The following CSMD1 variants were observed in gnomAD, a reference collection of about 807,000 sequenced individuals.
CSMD1 encodes the protein CUB and sushi domain-containing protein 1.
A neutral mutation model predicts 417.5 loss-of-function variants in CSMD1; 213 were observed. That is an observed-to-expected ratio of 0.51 (90% CI 0.46 to 0.57). CSMD1 has a LOEUF of 0.57. Ranked by LOEUF, CSMD1 falls within the 20% of genes least tolerant of loss-of-function variation. The pLI, the probability that CSMD1 is intolerant of heterozygous loss-of-function variation, is 0.00. For missense variants in CSMD1, 6,923 were observed against 4,529.7 expected (o/e 1.53, Z -15.17); for synonymous variants, 2,862 against 1,736.8 (o/e 1.65, Z -16.11).
chr8:4,837,655 G>C (rs934107272), intron 1 of CSMD1, among the ~76,000 whole-genome samples: 1 of 151,592 alleles, frequency 6.6e-6, no homozygotes, highest in Non-Finnish European at 1.5e-5. Context: ...TAGTTAACAG[G>C]TACAAAAAAA....
chr8:3,636,819 T>G (rs111319550), intron 7 of CSMD1, among the ~76,000 whole-genome samples: 1 of 152,182 alleles, frequency 6.6e-6, no homozygotes, highest in South Asian at 2.1e-4. Flanking sequence ...CTTTTCTTTA[T>G]TTTTTGCTAT....
At chr8:3,451,681 G>A (rs1037308482) in intron 12 of CSMD1, among the ~76,000 whole-genome samples, 3 of 152,164 alleles carry the variant, frequency 2.0e-5, no homozygotes, top group South Asian at 2.1e-4. Context: ...CTATATCTCT[G>A]TTTTGGAACC....
intron 1 of CSMD1, among the ~76,000 whole-genome samples, chr8:4,968,330 T>C (rs1023921970): frequency 5.9e-5 from 9 of 152,078 alleles, no homozygotes; most frequent in Admixed American, 2.6e-4. Flanking sequence ...ATTCACAAGA[T>C]TGTGTCACCA....
chr8:3,969,742 C>T (rs997559257), intron 5 of CSMD1, among the ~76,000 whole-genome samples: 1 of 151,034 alleles, frequency 6.6e-6, no homozygotes, highest in Non-Finnish European at 1.5e-5. Flanking sequence ...TGTGTAGATG[C>T]CACAGAGGAA....
intron 3 of CSMD1, among the ~76,000 whole-genome samples, chr8:4,321,511 G>T (rs1472840341): frequency 3.3e-5 from 5 of 152,086 alleles, no homozygotes; most frequent in Non-Finnish European, 7.3e-5. Flanking sequence ...ACAGCAGAGG[G>T]ATGTGTTAAG....
chr8:4,592,029 G>A (rs1800015324), intron 2 of CSMD1, among the ~76,000 whole-genome samples: 1 of 152,100 alleles, frequency 6.6e-6, no homozygotes, highest in South Asian at 2.1e-4. Context: ...TGGGACCAGT[G>A]AATTTCTTAT....
At chr8:4,394,498 G>A (rs966448824) in intron 3 of CSMD1, among the ~76,000 whole-genome samples, 5 of 152,104 alleles carry the variant, frequency 3.3e-5, no homozygotes, top group African/African-American at 1.2e-4. Flanking sequence ...ATACCTCTGG[G>A]TGTGAATGAG....
intron 1 of CSMD1, among the ~76,000 whole-genome samples, chr8:4,875,529 C>T (rs1008376920): frequency 6.6e-6 from 1 of 151,958 alleles, no homozygotes; most frequent in African/African-American, 2.4e-5. Flanking sequence ...ATTTGTCTAG[C>T]GCCATCTACT....
At chr8:4,307,646 G>A (rs908257662) in intron 3 of CSMD1, among the ~76,000 whole-genome samples, 3 of 152,116 alleles carry the variant, frequency 2.0e-5, no homozygotes, top group African/African-American at 4.8e-5. Context: ...GCATCTCAAG[G>A]ACGATGGGAA....
Position 4,118,848 on chromosome 8 carries a change from C to G in CSMD1, c.416-86749G>C, listed in dbSNP as rs568995456. 3.3e-5 allele frequency among the ~76,000 whole-genome samples: 5 copies of G among 152,222 alleles called. No individual in the cohort carries two copies. In the East Asian group the frequency reaches 9.7e-4, roughly 29 times the overall value. On this transcript the variant is annotated intron_variant, in intron 3 of 69. Coordinates refer to ENST00000635120, the MANE Select transcript of CSMD1 (RefSeq NM_033225.6). Reference sequence around the variant, plus strand: ...CAAAGACTTGGAACCAACCCAAATGCTCAACAATGTTAGACTGGATAAAGA... The same window carrying G: ...CAAAGACTTGGAACCAACCCAAATGGTCAACAATGTTAGACTGGATAAAGA...
At chr8:4,330,980 C>T (rs1486018936) in intron 3 of CSMD1, among the ~76,000 whole-genome samples, 1 of 152,144 alleles carries the variant, frequency 6.6e-6, no homozygotes, top group Non-Finnish European at 1.5e-5. Flanking sequence ...CCGACATATA[C>T]AGCCGCCTTT....
At chr8:4,803,192 G>A (rs969634787) in intron 1 of CSMD1, among the ~76,000 whole-genome samples, 1 of 151,882 alleles carries the variant, frequency 6.6e-6, no homozygotes, top group South Asian at 2.1e-4. Flanking sequence ...AGTTGATCCT[G>A]GCCACTTTCC....
chr8:3,048,628 T>C (rs117366096), intron 50 of CSMD1, among the ~76,000 whole-genome samples: 2,189 of 152,202 alleles, frequency 0.014, 18 homozygotes, highest in East Asian at 0.031. Context: ...AAATATAAAC[T>C]CCTAGAAGAT....
At chr8:4,296,219 C>A (rs1797672978) in intron 3 of CSMD1, among the ~76,000 whole-genome samples, 1 of 152,120 alleles carries the variant, frequency 6.6e-6, no homozygotes, top group Non-Finnish European at 1.5e-5. Context: ...CTGGGTCCAG[C>A]TTAAAACCTT....
intron 5 of CSMD1, among the ~76,000 whole-genome samples, chr8:3,983,095 C>T (rs2449818): frequency 6.6e-6 from 1 of 150,580 alleles, no homozygotes; most frequent in South Asian, 2.1e-4. Flanking sequence ...TGATGTAAAA[C>T]GCCTCAGACA....
intron 52 of CSMD1, 127 bp downstream of exon 52, chr8:3,018,350 G>A (rs79555792): frequency 0.047 from 35,926 of 762,542 alleles, 974 homozygotes; most frequent in East Asian, 0.088. Context: ...CACACTGGGA[G>A]GTGCAGCATT....
At chr8:4,023,732 G>A (rs756332481) in intron 4 of CSMD1, among the ~76,000 whole-genome samples, 4 of 143,714 alleles carry the variant, frequency 2.8e-5, no homozygotes, top group Non-Finnish European at 4.5e-5. Context: ...GACTACAAGC[G>A]CCCACCGCTA....
At chr8:4,031,793 G>C (rs1274470416) in intron 4 of CSMD1, 112 bp downstream of exon 4, 45 of 736,136 alleles carry the variant, frequency 6.1e-5, no homozygotes, top group Non-Finnish European at 8.7e-5. Flanking sequence ...GACATTGTAA[G>C]AGTCAGCTCA....
chr8:3,339,816 G>A (rs1026866065), intron 23 of CSMD1, among the ~76,000 whole-genome samples: 5 of 152,068 alleles, frequency 3.3e-5, no homozygotes, highest in South Asian at 2.1e-4. Context: ...CATTGTCCCC[G>A]ATTTCACAGA....
Sources: gnomAD v4.1 joint callset for allele counts (sites outside exome capture counted in the v4.1 genomes callset) on GRCh38, gnomAD v4.1.1 for gene constraint, MANE v1.5 for transcripts, NCBI Gene and HGNC (gene_info 2026-07-23, HGNC 2026-07-21) for gene names.